Variants in DAP observed in about 807,000 individuals in gnomAD.
DAP encodes the protein death-associated protein 1.
DAP carries 8 observed loss-of-function variants against 13.8 expected under a neutral mutation model. The observed-to-expected ratio is 0.58, with a 90% CI of 0.34 to 1.05. DAP has a LOEUF of 1.05. Ranked by LOEUF, DAP falls within the 50% of genes least tolerant of loss-of-function variation. The pLI is 0.03. For missense variants in DAP, 106 were observed against 133.2 expected (o/e 0.80, Z 1.01); for synonymous variants, 47 against 47.5 (o/e 0.99, Z 0.04).
At chr5:10,706,459 C>T (rs188639151) in intron 2 of DAP, among the ~76,000 whole-genome samples, 8 of 152,256 alleles carry the variant, frequency 5.3e-5, no homozygotes, top group Admixed American at 5.2e-4. Context: ...AGTGTGACAC[C>T]GAAGCCTGGG....
At chr5:10,696,510 CCT>C (rs1308153509) in intron 2 of DAP, among the ~76,000 whole-genome samples, 4 of 152,164 alleles carry the variant, frequency 2.6e-5, no homozygotes, top group Non-Finnish European at 5.9e-5. Flanking sequence ...AGATGAGCAG[CCT>C]CTCAAAGCCT....
intron 2 of DAP, among the ~76,000 whole-genome samples, chr5:10,733,079 C>A (rs939969109): frequency 6.6e-6 from 1 of 151,900 alleles, no homozygotes; most frequent in South Asian, 2.1e-4. Context: ...TTTCACTAGG[C>A]ATAATGACCT....
intron 2 of DAP, 129 bp from the exon 3 acceptor site, chr5:10,683,700 C>T (rs1018939219): frequency 1.2e-4 from 100 of 816,844 alleles, no homozygotes; most frequent in Middle Eastern, 2.2e-4. Flanking sequence ...CAAACCTCTC[C>T]TCTGCGTTAT....
chr5:10,683,510 C>A lies in DAP; in HGVS notation c.195+19G>T. Reference sequence around the variant, plus strand: ...CCATGCAAAAGCCTCAAACCCACCGCAGACACTCCCAGACTTACCCGGGCG... The same window carrying A: ...CCATGCAAAAGCCTCAAACCCACCGAAGACACTCCCAGACTTACCCGGGCG... On this transcript the variant is annotated intron_variant, in intron 3 of 3. Coordinates refer to ENST00000230895, the MANE Select transcript of DAP (RefSeq NM_004394.3). 1 of 1,613,804 alleles carries A rather than the reference C, an allele frequency of 6.2e-7. No individual in the cohort carries two copies. Among genetic ancestry groups the A allele is most frequent in the African/African-American group, 1.3e-5 (1 of 75,020 alleles).
At chr5:10,691,145 T>TAA (rs1277485389) in intron 2 of DAP, among the ~76,000 whole-genome samples, 6 of 152,212 alleles carry the variant, frequency 3.9e-5, no homozygotes, top group Non-Finnish European at 7.3e-5. Flanking sequence ...AATTCTTCTC[T>TAA]AAAACTGAAA....
At chr5:10,703,404 GC>G (rs1259200047) in intron 2 of DAP, among the ~76,000 whole-genome samples, 2 of 152,178 alleles carry the variant, frequency 1.3e-5, no homozygotes, top group Non-Finnish European at 2.9e-5. Context: ...CTGTGCACAG[GC>G]AGGGGGGGTG....
At chr5:10,711,567 G>A (rs368510817) in intron 2 of DAP, among the ~76,000 whole-genome samples, 6 of 152,108 alleles carry the variant, frequency 3.9e-5, no homozygotes, top group Non-Finnish European at 7.3e-5. Context: ...TTACTCTATC[G>A]GCATTAAAAA....
chr5:10,705,784 T>C (rs1475634800), intron 2 of DAP, among the ~76,000 whole-genome samples: 1 of 152,228 alleles, frequency 6.6e-6, no homozygotes, highest in African/African-American at 2.4e-5. Context: ...TTTGTTATGA[T>C]TTGATATACC....
At chr5:10,740,889 ATATC>A (rs940512985) in intron 2 of DAP, among the ~76,000 whole-genome samples, 13 of 152,254 alleles carry the variant, frequency 8.5e-5, no homozygotes, top group African/African-American at 2.9e-4. Flanking sequence ...AAGATATTTC[ATATC>A]TATCTTTCTT....
intron 2 of DAP, among the ~76,000 whole-genome samples, chr5:10,683,946 C>T (rs530651412): frequency 6.6e-6 from 1 of 152,282 alleles, no homozygotes; most frequent in South Asian, 2.1e-4. Flanking sequence ...GCTTCAGTCT[C>T]CCGAGTAGCT....
intron 2 of DAP, among the ~76,000 whole-genome samples, chr5:10,715,775 C>T (rs1046560639): frequency 6.6e-5 from 10 of 152,212 alleles, no homozygotes; most frequent in South Asian, 4.1e-4. Flanking sequence ...CCTCATTTAT[C>T]ATTCATGCCC....
rs552611505 is a variant in DAP, at chr5:10,683,994, CTTTTA to C, written c.153-428_153-424del. ...GTGCAGCATCATACCTGGCTATTTT[CTTTTA>C]TTTTTGTAGAGACAGGGTCTTGCTA... On this transcript the variant is annotated intron_variant, in intron 2 of 3. Coordinates refer to ENST00000230895, the MANE Select transcript of DAP (RefSeq NM_004394.3). Among the ~76,000 whole-genome samples, 124 of 152,080 alleles carry C rather than the reference CTTTTA, an allele frequency of 8.2e-4. 1 individual carries two copies. Among genetic ancestry groups the C allele is most frequent in the Non-Finnish European group, 1.1e-3 (75 of 68,018 alleles).
At chr5:10,689,782 C>T (rs974608082) in intron 2 of DAP, among the ~76,000 whole-genome samples, 2 of 152,066 alleles carry the variant, frequency 1.3e-5, no homozygotes, top group African/African-American at 4.8e-5. Flanking sequence ...GGGTCTGATG[C>T]CGCAGTCAAA....
At chr5:10,750,509 T>C (rs1365001220) in intron 1 of DAP, among the ~76,000 whole-genome samples, 2 of 152,218 alleles carry the variant, frequency 1.3e-5, no homozygotes, top group African/African-American at 2.4e-5. Context: ...GACATTCTAC[T>C]TGGGGCAGAA....
intron 2 of DAP, among the ~76,000 whole-genome samples, chr5:10,745,887 GA>G (rs2126676781): frequency 6.6e-6 from 1 of 152,310 alleles, no homozygotes; most frequent in East Asian, 1.9e-4. Context: ...TTCCTAGAGG[GA>G]AATTACTACA....
At chr5:10,682,277 GGT>G (rs1738037823) in intron 3 of DAP, among the ~76,000 whole-genome samples, 1 of 145,936 alleles carries the variant, frequency 6.9e-6, no homozygotes. Flanking sequence ...GGAAGCATGG[GGT>G]TTGTATGTGA....
chr5:10,681,527 C>A (rs1187929889), intron 3 of DAP, among the ~76,000 whole-genome samples: 1 of 103,344 alleles, frequency 9.7e-6, no homozygotes, highest in Admixed American at 9.8e-5. Flanking sequence ...GGGTGAGGAA[C>A]CCCCAGGCCA....
At chr5:10,683,683 T>TG (rs1468633840) in intron 2 of DAP, 112 bp from the exon 3 acceptor site, 14 of 982,840 alleles carry the variant, frequency 1.4e-5, no homozygotes, top group Non-Finnish European at 1.9e-5. Context: ...GGAGGCAGAA[T>TG]GGGAAGCAAA....
intron 1 of DAP, among the ~76,000 whole-genome samples, chr5:10,755,026 G>A (rs985724360): frequency 1.3e-5 from 2 of 152,310 alleles, no homozygotes; most frequent in Admixed American, 6.5e-5. Context: ...AAGAAGAAGG[G>A]AAACTGCTAT....
Sources: gnomAD v4.1 joint callset for allele counts (sites outside exome capture counted in the v4.1 genomes callset) on GRCh38, gnomAD v4.1.1 for gene constraint, MANE v1.5 for transcripts, NCBI Gene and HGNC (gene_info 2026-07-23, HGNC 2026-07-21) for gene names.